DLGAP2: variants seen among roughly 807,000 people sequenced by gnomAD.
The protein encoded by DLGAP2 is disks large-associated protein 2.
Under a neutral mutation model 100.3 loss-of-function variants are expected in DLGAP2, and 26 were observed. That is an observed-to-expected ratio of 0.26 (90% CI 0.19 to 0.36). The LOEUF is 0.36. Among genes scored for constraint, DLGAP2 ranks in the 10% least tolerant of loss-of-function variants. The pLI, the probability that DLGAP2 is intolerant of heterozygous loss-of-function variation, is 1.00. For missense variants in DLGAP2, 1,858 were observed against 1,453.2 expected (o/e 1.28, Z -4.53); for synonymous variants, 886 against 630.1 (o/e 1.41, Z -6.08).
chr8:1,090,647 C>T (rs533718430), intron 2 of DLGAP2, among the ~76,000 whole-genome samples: 3 of 152,320 alleles, frequency 2.0e-5, no homozygotes, highest in South Asian at 4.1e-4. Flanking sequence ...CCCTGAGGGG[C>T]CTCCAGAGGC....
At chr8:1,589,247 A>G (rs1435729402) in intron 6 of DLGAP2, among the ~76,000 whole-genome samples, 2 of 152,256 alleles carry the variant, frequency 1.3e-5, no homozygotes, top group Non-Finnish European at 2.9e-5. Context: ...CTAGCAACCT[A>G]TAAGTACAGT....
At chr8:1,178,886 G>A (rs531353797) in intron 2 of DLGAP2, among the ~76,000 whole-genome samples, 1 of 152,272 alleles carries the variant, frequency 6.6e-6, no homozygotes, top group South Asian at 2.1e-4. Flanking sequence ...TCAGTTAGGA[G>A]CCCCCCTGCC....
chr8:1,553,408 CATTTT>C (rs1563217517), intron 5 of DLGAP2, among the ~76,000 whole-genome samples: 1 of 43,342 alleles, frequency 2.3e-5, no homozygotes, highest in African/African-American at 9.3e-5. Context: ...GCAGCAGCCC[CATTTT>C]GTTTGGCGTG....
intron 3 of DLGAP2, among the ~76,000 whole-genome samples, chr8:1,333,705 G>C (rs531504967): frequency 2.0e-5 from 3 of 152,206 alleles, no homozygotes; most frequent in African/African-American, 7.2e-5. Flanking sequence ...TTGCATATGT[G>C]AGACTCGTCT....
At chr8:1,664,100 G>T (rs2130830620) in intron 8 of DLGAP2, among the ~76,000 whole-genome samples, 1 of 152,316 alleles carries the variant, frequency 6.6e-6, no homozygotes, top group Non-Finnish European at 1.5e-5. Context: ...CCTTTCTAGA[G>T]CTGAGGCTGT....
At chr8:1,563,815 G>A (rs1038910106) in intron 5 of DLGAP2, among the ~76,000 whole-genome samples, 42 of 152,240 alleles carry the variant, frequency 2.8e-4, no homozygotes, top group Admixed American at 8.5e-4. Flanking sequence ...CACCAGCCAC[G>A]CAGATCCCTG....
In DLGAP2 at chr8:1,220,998, A is replaced by C. The variant is rs566979437; in HGVS notation, c.74-37853A>C. ...ACTTTGAGCCTATGGGTGTCTTCAC[A>C]TGTGAGATGAGTCTCTTGAAGACAG... On this transcript the variant is annotated intron_variant, in intron 2 of 14. Transcript: ENST00000637795. 2.3e-3 allele frequency among the ~76,000 whole-genome samples: 352 copies of C among 152,302 alleles called. 2 individuals are homozygous for C. Among genetic ancestry groups the C allele is most frequent in the African/African-American group, 8.3e-3 (343 of 41,558 alleles).
chr8:981,114 T>C (rs913247041), intron 2 of DLGAP2, among the ~76,000 whole-genome samples: 1 of 152,140 alleles, frequency 6.6e-6, no homozygotes, highest in African/African-American at 2.4e-5. Context: ...TGTAACCTAC[T>C]GTCTGTCTCT....
intron 8 of DLGAP2, among the ~76,000 whole-genome samples, chr8:1,654,374 G>A (rs568232619): frequency 2.0e-5 from 3 of 152,240 alleles, no homozygotes; most frequent in Admixed American, 2.0e-4. Flanking sequence ...TAAAGAATTG[G>A]AACATGGCCG....
intron 3 of DLGAP2, among the ~76,000 whole-genome samples, chr8:1,438,745 A>G (rs1356364980): frequency 6.6e-6 from 1 of 152,348 alleles, no homozygotes; most frequent in East Asian, 1.9e-4. Flanking sequence ...TGTGATAACA[A>G]CGAAATTCTT....
chr8:1,384,192 A>G (rs1796160405), intron 3 of DLGAP2, among the ~76,000 whole-genome samples: 1 of 152,284 alleles, frequency 6.6e-6, no homozygotes, highest in Non-Finnish European at 1.5e-5. Context: ...ATAAAAGTTA[A>G]GGGATGAAGT....
intron 1 of DLGAP2, among the ~76,000 whole-genome samples, chr8:817,097 C>T (rs7462346): frequency 0.11 from 15,824 of 149,824 alleles, 899 homozygotes; most frequent in East Asian, 0.21. Flanking sequence ...GCCAAGATCG[C>T]GCCGCTGCAC....
rs1201871744 is a variant in DLGAP2, at chr8:1,341,081, G to T, written c.106+82198G>T. On this transcript the variant is annotated intron_variant, in intron 3 of 14. Coordinates refer to ENST00000637795, the MANE Select transcript of DLGAP2 (RefSeq NM_001346810.2). ...GGAACAACACACACTGGGACCTGTG[G>T]GAGGAGGAGGGTGGGAGGAGGGAGA... Among the ~76,000 whole-genome samples the T allele has an allele frequency of 3.9e-5, 6 of 152,160 alleles. No individual in the cohort carries two copies. The East Asian group carries it at 1.2e-3, about 29-fold the overall frequency.
intron 5 of DLGAP2, among the ~76,000 whole-genome samples, chr8:1,557,118 C>G (rs1237188160): frequency 6.6e-6 from 1 of 152,144 alleles, no homozygotes; most frequent in African/African-American, 2.4e-5. Context: ...CCACCTACTA[C>G]CTGCCGGAAG....
intron 2 of DLGAP2, among the ~76,000 whole-genome samples, chr8:1,143,007 G>T (rs1044210236): frequency 8.5e-5 from 13 of 152,180 alleles, no homozygotes; most frequent in African/African-American, 3.1e-4. Context: ...CCTGAGATTG[G>T]ATTTATAGGA....
At chr8:1,200,917 G>A (rs1797857822) in intron 2 of DLGAP2, among the ~76,000 whole-genome samples, 1 of 152,240 alleles carries the variant, frequency 6.6e-6, no homozygotes, top group South Asian at 2.1e-4. Flanking sequence ...CCGCCTCCGG[G>A]CGGTGCGCGA....
intron 5 of DLGAP2, among the ~76,000 whole-genome samples, chr8:1,554,085 C>G (rs1801873370): frequency 6.6e-6 from 1 of 152,098 alleles, no homozygotes; most frequent in African/African-American, 2.4e-5. Context: ...GTCAGGAGTT[C>G]AAGACCAACC....
At chr8:1,499,898 T>C (rs1048378283) in intron 3 of DLGAP2, among the ~76,000 whole-genome samples, 1 of 150,264 alleles carries the variant, frequency 6.7e-6, no homozygotes, top group Non-Finnish European at 1.5e-5. Context: ...GAGATGGTGA[T>C]TGCAGTGTAA....
intron 2 of DLGAP2, among the ~76,000 whole-genome samples, chr8:931,794 G>A (rs1319569291): frequency 6.6e-6 from 1 of 152,140 alleles, no homozygotes; most frequent in Non-Finnish European, 1.5e-5. Flanking sequence ...AAAATCTTTG[G>A]AGTCTTATGA....
Sources: gnomAD v4.1 joint callset for allele counts (sites outside exome capture counted in the v4.1 genomes callset) on GRCh38, gnomAD v4.1.1 for gene constraint, MANE v1.5 for transcripts, NCBI Gene and HGNC (gene_info 2026-07-23, HGNC 2026-07-21) for gene names.